HDAC9: variants seen among roughly 807,000 people sequenced by gnomAD.
HDAC9 encodes the protein histone deacetylase 9, also known as MEF-2 interacting transcription repressor (MITR) protein.
A neutral mutation model predicts 139.4 loss-of-function variants in HDAC9; 41 were observed. The observed-to-expected ratio is 0.29, with a 90% CI of 0.23 to 0.38. The LOEUF (loss-of-function observed/expected upper bound fraction) is 0.38, where lower values mean the gene tolerates loss of function less well. Among genes scored for constraint, HDAC9 ranks in the 10% least tolerant of loss-of-function variants. The pLI is 1.00. For synonymous variants in HDAC9, 517 were observed against 476.2 expected (o/e 1.09, Z -1.12); for missense variants, 1,147 against 1,297.0 (o/e 0.88, Z 1.78).
At chr7:18,336,779 A>G (rs1245947457) in intron 1 of HDAC9, among the ~76,000 whole-genome samples, 3 of 151,542 alleles carry the variant, frequency 2.0e-5, no homozygotes, top group Non-Finnish European at 4.4e-5. Flanking sequence ...GTTCTTATGG[A>G]TGTATTTCTT....
At chr7:18,199,067 GCT>G (rs1191611541) in intron 2 of HDAC9, among the ~76,000 whole-genome samples, 1 of 151,944 alleles carries the variant, frequency 6.6e-6, no homozygotes, top group East Asian at 1.9e-4. Context: ...TGCTGATTTT[GCT>G]TTTTGTCATT....
chr7:18,525,026 G>C (rs574958738), intron 2 of HDAC9, among the ~76,000 whole-genome samples: 1 of 152,066 alleles, frequency 6.6e-6, no homozygotes, highest in East Asian at 1.9e-4. Context: ...ATCATTTTAA[G>C]ATTTAATAAT....
chr7:18,835,020 A>G (rs998580520), intron 19 of HDAC9, among the ~76,000 whole-genome samples: 4 of 152,204 alleles, frequency 2.6e-5, no homozygotes, highest in Non-Finnish European at 4.4e-5. Flanking sequence ...TCAGAGGCCA[A>G]TGAGGCTAGT....
intron 1 of HDAC9, among the ~76,000 whole-genome samples, chr7:18,110,177 A>G (rs1353745776): frequency 6.6e-6 from 1 of 152,220 alleles, no homozygotes; most frequent in Non-Finnish European, 1.5e-5. Flanking sequence ...TCTCTGCAGA[A>G]CAAATGGTTT....
intron 13 of HDAC9, among the ~76,000 whole-genome samples, chr7:18,747,802 G>A (rs1165256031): frequency 6.6e-6 from 1 of 152,116 alleles, no homozygotes; most frequent in Admixed American, 6.5e-5. Flanking sequence ...CAAAATGCAG[G>A]TGCCATTCTT....
intron 24 of HDAC9, among the ~76,000 whole-genome samples, chr7:18,963,956 A>G (rs1213638472): frequency 6.6e-6 from 1 of 152,128 alleles, no homozygotes; most frequent in Non-Finnish European, 1.5e-5. Context: ...TTGCCCTTCT[A>G]CGTTTCAATC....
chr7:18,852,478 C>G (rs1432173120), intron 21 of HDAC9, among the ~76,000 whole-genome samples: 1 of 152,156 alleles, frequency 6.6e-6, no homozygotes. Context: ...TACAGAAACT[C>G]TCTTTCAAAG....
intron 24 of HDAC9, among the ~76,000 whole-genome samples, chr7:18,973,028 AGCAGAGT>A (rs908737370): frequency 2.6e-5 from 4 of 152,244 alleles, no homozygotes; most frequent in Non-Finnish European, 4.4e-5. Context: ...GGTGGAGGAC[AGCAGAGT>A]GCAGAGGAAG....
chr7:18,817,684 T>A (rs889686332), intron 17 of HDAC9, among the ~76,000 whole-genome samples: 3 of 152,200 alleles, frequency 2.0e-5, no homozygotes, highest in African/African-American at 4.8e-5. Context: ...AAGAGACGTG[T>A]ACACATGGCA....
At chr7:18,724,779 A>G (rs960884489) in intron 12 of HDAC9, among the ~76,000 whole-genome samples, 1 of 152,150 alleles carries the variant, frequency 6.6e-6, no homozygotes, top group African/African-American at 2.4e-5. Flanking sequence ...TCTCCTTACT[A>G]GAGAATAAGC....
intron 2 of HDAC9, among the ~76,000 whole-genome samples, chr7:18,253,023 C>T (rs188462821): frequency 4.9e-4 from 74 of 152,308 alleles, no homozygotes; most frequent in South Asian, 1.2e-3. Context: ...GTTTTCTGTT[C>T]CTGCATTAGT....
intron 4 of HDAC9, 32 bp downstream of exon 4, chr7:18,590,518 C>G (rs561739274): frequency 6.4e-7 from 1 of 1,566,744 alleles, no homozygotes; most frequent in Non-Finnish European, 8.7e-7. Flanking sequence ...GATGGACTCT[C>G]TTTCCTCATC....
rs1296201522 is a variant in HDAC9 at position 18,590,427 on chromosome 7, A to G, written c.356A>G (p.Glu119Gly). The G allele has an allele frequency of 6.2e-7, 1 of 1,608,430 alleles. No individual in the cohort carries two copies. Among genetic ancestry groups the G allele is most frequent in the Admixed American group, 1.7e-5 (1 of 59,106 alleles). Reference protein sequence around the residue: ...LEQQRQEQEVERHRREQQLPP... With the variant: ...LEQQRQEQEVGRHRREQQLPP... ...CAGCAGAGGCAAGAACAGGAAGTAGAGAGGCATCGCAGAGAACAGCAGCTT... is the reference window on the plus strand; with the variant it reads ...CAGCAGAGGCAAGAACAGGAAGTAGGGAGGCATCGCAGAGAACAGCAGCTT... The change falls in exon 4 of 26, where the codon GAG becomes GGG. Residue 119 changes from glutamate (E) to glycine (G), a missense_variant. By Grantham distance (98) the Glu-to-Gly change is moderately conservative. Coordinates refer to ENST00000686413, the MANE Select transcript of HDAC9 (RefSeq NM_178425.4).
At chr7:18,595,986 T>C (rs775855728) in intron 6 of HDAC9, among the ~76,000 whole-genome samples, 40 of 152,212 alleles carry the variant, frequency 2.6e-4, no homozygotes, top group Non-Finnish European at 4.4e-4. Flanking sequence ...TCAGGATATA[T>C]ATGTTACAAA....
intron 1 of HDAC9, among the ~76,000 whole-genome samples, chr7:18,425,159 T>C (rs1403809473): frequency 6.6e-6 from 1 of 152,198 alleles, no homozygotes; most frequent in Non-Finnish European, 1.5e-5. Context: ...TGAAGTTAAT[T>C]GGACAGAATT....
intron 1 of HDAC9, among the ~76,000 whole-genome samples, chr7:18,137,914 G>A (rs1305556650): frequency 2.0e-5 from 3 of 151,494 alleles, no homozygotes; most frequent in Admixed American, 6.6e-5. Flanking sequence ...GGTAGAATTT[G>A]GCTGTGAATC....
rs537317646 is a variant in HDAC9 at position 18,572,526 on chromosome 7, G to A, written c.23-12755G>A. On this transcript the variant is annotated intron_variant, in intron 2 of 25. Transcript: ENST00000686413. The stretch of plus-strand genomic sequence containing the variant: ...GGGGACGGTTTGCACCATCTTCCTC[G>A]TAGTTCCTTTAGAAGTGAATTTACT... Among the ~76,000 whole-genome samples, 19 of 151,990 alleles carry A rather than the reference G, an allele frequency of 1.3e-4. No individual in the cohort carries two copies. The South Asian group carries it at 1.5e-3, about 12-fold the overall frequency.
At chr7:18,380,683 A>G (rs1381364502) in intron 1 of HDAC9, among the ~76,000 whole-genome samples, 1 of 152,182 alleles carries the variant, frequency 6.6e-6, no homozygotes, top group Non-Finnish European at 1.5e-5. Context: ...ATCCATTTAC[A>G]CATTGGTGTC....
chr7:18,874,657 T>C lies in HDAC9; in HGVS notation c.2803+61T>C, dbSNP rs368298298. ...GATATCATACCATCTTTTAGGTCTT[T>C]ATGATAGACACCACCTTTTACATGT... On this transcript the variant is annotated intron_variant, in intron 22 of 25. Transcript: ENST00000686413. 1.2e-4 allele frequency: 112 copies of C among 934,242 alleles called. 1 individual carries two copies. The African/African-American group carries it at 1.7e-3, about 14-fold the overall frequency. The allele number at this position is 934,242 out of a possible 1,614,324, so 57.9% of individuals were successfully genotyped here. A position where few individuals can be genotyped will look rare whatever the true frequency, so the allele number is the denominator to read the frequency against.
Sources: gnomAD v4.1 joint callset for allele counts (sites outside exome capture counted in the v4.1 genomes callset) on GRCh38, gnomAD v4.1.1 for gene constraint, MANE v1.5 for transcripts, NCBI Gene and HGNC (gene_info 2026-07-23, HGNC 2026-07-21) for gene names.